Variants in AHCYL2 observed in about 807,000 individuals in gnomAD.
AHCYL2 encodes the protein adenosylhomocysteinase like 2.
Under a neutral mutation model 81.4 loss-of-function variants are expected in AHCYL2, and 28 were observed. That is an observed-to-expected ratio of 0.34 (90% confidence interval 0.25 to 0.47). AHCYL2 has a LOEUF of 0.47. Among genes scored for constraint, AHCYL2 ranks in the 20% least tolerant of loss-of-function variants. The pLI is 1.00. For synonymous variants in AHCYL2, 272 were observed against 290.2 expected (o/e 0.94, Z 0.64); for missense variants, 551 against 785.1 (o/e 0.70, Z 3.56).
Position 129,299,369 on chromosome 7 carries a change from G to GTTTTTTTTTTTTT in AHCYL2, c.363+73960_363+73972dup, listed in dbSNP as rs71162592. Among the ~76,000 whole-genome samples the GTTTTTTTTTTTTT allele has an allele frequency of 5.8e-4, 27 of 46,306 alleles. 6 individuals carry two copies. Among genetic ancestry groups the GTTTTTTTTTTTTT allele is most frequent in the Admixed American group, 1.4e-3 (4 of 2,820 alleles). The allele number at this position is 46,306 out of a possible 152,430, so 30.4% of individuals were successfully genotyped here. A position where few individuals can be genotyped will look rare whatever the true frequency, so the allele number is the denominator to read the frequency against. ...AGGCTGAGGTGGGAGAGTCCAACTT[G>GTTTTTTTTTTTTT]TTTTTTTTTTTTTTTTTTTTTTTTT... is the stretch of plus-strand genomic sequence containing the variant. On this transcript the variant is annotated intron_variant, in intron 1 of 16. Transcript: ENST00000325006.
Position 129,237,107 on chromosome 7 carries a change from T to G in AHCYL2, c.363+11668T>G, listed in dbSNP as rs550596322. Among the ~76,000 whole-genome samples the G allele has an allele frequency of 3.3e-5, 5 of 152,324 alleles. No individual in the cohort carries two copies. The South Asian group carries it at 1.0e-3, about 32-fold the overall frequency. ...ACATTGTTTATTATTTTCAAAGTTT[T>G]TATAAACTTGGATTTACCAGTTTTT... On this transcript the variant is annotated intron_variant, in intron 1 of 16. Coordinates refer to ENST00000325006, the MANE Select transcript of AHCYL2 (RefSeq NM_015328.4).
chr7:129,277,175 A>ATTT (rs1796244361), intron 1 of AHCYL2, among the ~76,000 whole-genome samples: 1 of 152,162 alleles, frequency 6.6e-6, no homozygotes. Context: ...AACTGCAGAT[A>ATTT]TTTAAAGGTT....
chr7:129,345,493 G>A (rs1054672517), intron 1 of AHCYL2, among the ~76,000 whole-genome samples: 1 of 152,122 alleles, frequency 6.6e-6, no homozygotes, highest in Non-Finnish European at 1.5e-5. Flanking sequence ...ACATGTAACT[G>A]CTTGGGCCCA....
chr7:129,278,660 T>A (rs1399988150), intron 1 of AHCYL2, among the ~76,000 whole-genome samples: 2 of 152,260 alleles, frequency 1.3e-5, no homozygotes, highest in Admixed American at 1.3e-4. Context: ...GAGCTTTCTC[T>A]TATGTTTTCT....
At chr7:129,408,731 A>G (rs897409260) in intron 10 of AHCYL2, among the ~76,000 whole-genome samples, 1 of 152,156 alleles carries the variant, frequency 6.6e-6, no homozygotes, top group Non-Finnish European at 1.5e-5. Context: ...CTATACTGAA[A>G]GAATAGAGAA....
chr7:129,417,805 T>C (rs948136481), intron 12 of AHCYL2, among the ~76,000 whole-genome samples: 7 of 152,242 alleles, frequency 4.6e-5, no homozygotes, highest in Non-Finnish European at 1.0e-4. Flanking sequence ...CTGTGCCAGA[T>C]ACCAATTTAC....
chr7:129,361,082 C>T (rs1344414794), intron 1 of AHCYL2, among the ~76,000 whole-genome samples: 1 of 152,000 alleles, frequency 6.6e-6, no homozygotes, highest in Non-Finnish European at 1.5e-5. Context: ...TCAGAATGGG[C>T]ATTTTATTTT....
chr7:129,336,754 T>A (rs1028872785), intron 1 of AHCYL2, among the ~76,000 whole-genome samples: 34 of 152,176 alleles, frequency 2.2e-4, no homozygotes, highest in Non-Finnish European at 2.2e-4. Flanking sequence ...TAATAAAACG[T>A]AATTTTTTTT....
chr7:129,297,430 G>T (rs1479203245), intron 1 of AHCYL2, among the ~76,000 whole-genome samples: 1 of 152,142 alleles, frequency 6.6e-6, no homozygotes, highest in East Asian at 1.9e-4. Context: ...GAAAACTAGC[G>T]AACAGCTCCA....
At chr7:129,417,953 T>G (rs1305281952) in intron 12 of AHCYL2, among the ~76,000 whole-genome samples, 13 of 152,218 alleles carry the variant, frequency 8.5e-5, no homozygotes, top group Admixed American at 8.5e-4. Flanking sequence ...GATTCCATTT[T>G]AGTTAGGGTA....
At chr7:129,339,076 A>G (rs1793063866) in intron 1 of AHCYL2, among the ~76,000 whole-genome samples, 1 of 152,196 alleles carries the variant, frequency 6.6e-6, no homozygotes, top group African/African-American at 2.4e-5. Context: ...TTGATTTGTT[A>G]TCTAATTCTC....
At chr7:129,275,695 G>A (rs1408215042) in intron 1 of AHCYL2, among the ~76,000 whole-genome samples, 1 of 151,982 alleles carries the variant, frequency 6.6e-6, no homozygotes, top group South Asian at 2.1e-4. Flanking sequence ...TTATAGCATG[G>A]CCTTAAAATA....
chr7:129,389,775 T>A, intron 4 of AHCYL2, 41 bp downstream of exon 4: 1 of 1,531,616 alleles, frequency 6.5e-7, no homozygotes, highest in East Asian at 2.3e-5. Context: ...CAATAGTTAA[T>A]AATAGCCACG....
intron 1 of AHCYL2, among the ~76,000 whole-genome samples, chr7:129,228,246 G>A (rs1270822526): frequency 6.6e-6 from 1 of 152,180 alleles, no homozygotes; most frequent in Admixed American, 6.5e-5. Flanking sequence ...CATTTCCATA[G>A]ATGGTTTTCC....
intron 4 of AHCYL2, among the ~76,000 whole-genome samples, chr7:129,396,009 T>C (rs1795718512): frequency 6.6e-6 from 1 of 152,250 alleles, no homozygotes. Context: ...AGTTCACTTC[T>C]GTGCTTTATG....
chr7:129,238,821 C>T (rs973619433), intron 1 of AHCYL2, among the ~76,000 whole-genome samples: 3 of 152,080 alleles, frequency 2.0e-5, no homozygotes, highest in African/African-American at 4.8e-5. Flanking sequence ...CGTGGTGGGG[C>T]GGGTGCCTGT....
At chr7:129,245,765 GGTT>G (rs986882547) in intron 1 of AHCYL2, among the ~76,000 whole-genome samples, 6 of 152,062 alleles carry the variant, frequency 3.9e-5, no homozygotes, top group African/African-American at 4.8e-5. Flanking sequence ...TGAACAGTTG[GGTT>G]GTTTCTACCT....
chr7:129,298,144 C>T (rs1797117935), intron 1 of AHCYL2, among the ~76,000 whole-genome samples: 1 of 152,158 alleles, frequency 6.6e-6, no homozygotes, highest in Non-Finnish European at 1.5e-5. Context: ...AGACTCTAAC[C>T]TCATTGAGAG....
At chr7:129,409,349 T>C (rs1432730572) in intron 10 of AHCYL2, 127 bp from the exon 11 acceptor site, 1 of 636,370 alleles carries the variant, frequency 1.6e-6, no homozygotes, top group African/African-American at 1.9e-5. Flanking sequence ...GTTTGGATTT[T>C]TCACTTCTAA....
Sources: gnomAD v4.1 joint callset for allele counts (sites outside exome capture counted in the v4.1 genomes callset) on GRCh38, gnomAD v4.1.1 for gene constraint, MANE v1.5 for transcripts, NCBI Gene and HGNC (gene_info 2026-07-23, HGNC 2026-07-21) for gene names.